Variants in HAS3 observed in about 807,000 individuals in gnomAD.
HAS3 encodes hyaluronan synthase 3, also known as HA synthase 3.
A neutral mutation model predicts 50.3 loss-of-function variants in HAS3; 27 were observed. That is an observed-to-expected ratio of 0.54 (90% CI 0.40 to 0.74). The LOEUF is 0.74. Ranked by LOEUF, HAS3 falls within the 30% of genes least tolerant of loss-of-function variation. HAS3 has a pLI of 0.00. For synonymous variants in HAS3, 339 were observed against 310.9 expected (o/e 1.09, Z -0.95); for missense variants, 517 against 742.8 (o/e 0.70, Z 3.53).
At chr16:69,098,760 G>A in the HAS3 span, among the ~76,000 whole-genome samples, 1 of 146,618 alleles carries the variant, frequency 6.8e-6, no homozygotes, top group Middle Eastern at 3.6e-3. Flanking sequence ...CCGCCTCCCA[G>A]GTTCAAGCGA....
chr16:69,109,464 T>A lies in HAS3; in HGVS notation c.69T>A (p.Gly23=), dbSNP rs770667957. ...GTSLFALAVL[G]GILAAYVTGY... is the part of the protein sequence containing the mutation. ...GCCTGTTTGCCCTGGCAGTGCTGGG[T>A]GGCATCCTGGCAGCCTATGTGACGG... Residue 23 remains glycine, a synonymous_variant, in exon 2 of 4, where the codon GGT becomes GGA. Transcript: ENST00000569188. The surrounding 1 kb of genome is among the most constrained non-coding windows in gnomAD (Gnocchi z 5.3). 15 of 1,613,492 alleles carry A rather than the reference T, an allele frequency of 9.3e-6. No homozygotes were observed. The highest frequency in any genetic ancestry group is 1.3e-5 in the Non-Finnish European group (15 of 1,180,010).
chr16:69,095,950 T>C, the HAS3 span, among the ~76,000 whole-genome samples: 1 of 152,068 alleles, frequency 6.6e-6, no homozygotes, highest in Non-Finnish European at 1.5e-5. Context: ...GCGCGGTGGC[T>C]TACGCCTGTA....
upstream of HAS3, among the ~76,000 whole-genome samples, chr16:69,104,236 A>C (rs1357253833): frequency 2.0e-5 from 3 of 148,824 alleles, no homozygotes; most frequent in Non-Finnish European, 4.4e-5. Context: ...GACTACAGGC[A>C]CACTCCACCA....
the HAS3 span, among the ~76,000 whole-genome samples, chr16:69,087,522 A>G: frequency 3.4e-5 from 5 of 148,580 alleles, no homozygotes; most frequent in African/African-American, 1.2e-4. Context: ...ATATTTCCCA[A>G]TCTCCTCTTC....
At chr16:69,113,299 CA>C (rs1027304581) in intron 2 of HAS3, 141 bp from the exon 3 acceptor site, 1 of 690,406 alleles carries the variant, frequency 1.4e-6, no homozygotes, top group African/African-American at 1.7e-5. Context: ...TCTGGTAGCG[CA>C]GATCTCTTAG....
chr16:69,087,540 C>T, the HAS3 span, among the ~76,000 whole-genome samples: 3 of 151,970 alleles, frequency 2.0e-5, no homozygotes, highest in African/African-American at 7.2e-5. Context: ...TTCCACGTCC[C>T]TTGCTTTGTT....
the HAS3 span, among the ~76,000 whole-genome samples, chr16:69,096,493 AC>A: frequency 4.0e-5 from 5 of 124,734 alleles, no homozygotes; most frequent in Admixed American, 4.0e-4. Context: ...CAAAGATCAC[AC>A]CATGCATTCC....
chr16:69,110,338 C>T (rs1314767695), intron 2 of HAS3, among the ~76,000 whole-genome samples: 1 of 152,206 alleles, frequency 6.6e-6, no homozygotes, highest in Non-Finnish European at 1.5e-5. Flanking sequence ...GTAGTCCCAG[C>T]TACTCGGGAG....
upstream of HAS3, among the ~76,000 whole-genome samples, chr16:69,105,294 T>C (rs1399176963): frequency 6.6e-6 from 1 of 152,142 alleles, no homozygotes; most frequent in East Asian, 1.9e-4. Context: ...TTCAGCTGGT[T>C]CTAAACTTCT....
At chr16:69,090,277 T>A in the HAS3 span, among the ~76,000 whole-genome samples, 2 of 152,184 alleles carry the variant, frequency 1.3e-5, no homozygotes, top group Admixed American at 1.3e-4. Flanking sequence ...GCTGGCCCTC[T>A]GCCCTCCAGT....
upstream of HAS3, among the ~76,000 whole-genome samples, chr16:69,103,857 C>T (rs925383258): frequency 6.6e-6 from 1 of 152,172 alleles, no homozygotes; most frequent in African/African-American, 2.4e-5. Context: ...TTCAAACTTC[C>T]TATCAGTCCG....
In HAS3 at chr16:69,107,850, C is replaced by T. The variant is rs1960860233; in HGVS notation, c.1-1546C>T. Among the ~76,000 whole-genome samples, 1 of 152,230 alleles carries T rather than the reference C, an allele frequency of 6.6e-6. No individual in the cohort carries two copies. Among genetic ancestry groups the T allele is most frequent in the South Asian group, 2.1e-4 (1 of 4,836 alleles). On this transcript the variant is annotated intron_variant, in intron 1 of 3. Coordinates refer to ENST00000569188, the MANE Select transcript of HAS3 (RefSeq NM_001199280.2). This position sits in a 1 kb window ranked among gnomAD's most constrained non-coding sequence, Gnocchi z 5.5. ...GGCTCCCCGGGACGGTGGGGCAGAG[C>T]GCCCGGAGGCCGCGCTTCCCGGAGA...
chr16:69,102,522 A>G (rs1486873173), upstream of HAS3, among the ~76,000 whole-genome samples: 1 of 152,070 alleles, frequency 6.6e-6, no homozygotes, highest in African/African-American at 2.4e-5. Flanking sequence ...AAAGGTAAAG[A>G]CTCTCTTATC....
chr16:69,110,082 C>A, intron 2 of HAS3, 51 bp downstream of exon 2: 1 of 1,514,438 alleles, frequency 6.6e-7, no homozygotes, highest in South Asian at 1.2e-5. Flanking sequence ...GTCTGGACAG[C>A]CTGGCAAACT....
chr16:69,092,223 T>G, the HAS3 span, among the ~76,000 whole-genome samples: 4 of 152,206 alleles, frequency 2.6e-5, no homozygotes, highest in Non-Finnish European at 5.9e-5. Context: ...CTCCAAAGGC[T>G]GTGCTTTTTC....
At chr16:69,110,447 C>T (rs1242602144) in intron 2 of HAS3, among the ~76,000 whole-genome samples, 1 of 152,144 alleles carries the variant, frequency 6.6e-6, no homozygotes, top group African/African-American at 2.4e-5. Flanking sequence ...CACTATGTTG[C>T]CCAGGCTGGA....
the HAS3 span, chr16:69,083,670 C>A: frequency 6.4e-7 from 1 of 1,553,158 alleles, no homozygotes; most frequent in Non-Finnish European, 8.7e-7. Context: ...AGACCTGGCT[C>A]CAAGGACGTG....
upstream of HAS3, among the ~76,000 whole-genome samples, chr16:69,104,642 C>A (rs951679200): frequency 1.3e-5 from 2 of 152,102 alleles, no homozygotes; most frequent in African/African-American, 4.8e-5. Context: ...GGAAGTCTCG[C>A]TTTGTTGCCC....
chr16:69,091,379 A>T, the HAS3 span, among the ~76,000 whole-genome samples: 2 of 152,122 alleles, frequency 1.3e-5, no homozygotes, highest in African/African-American at 4.8e-5. Flanking sequence ...TTTTTCAATG[A>T]TTCTCAGACA....
Sources: gnomAD v4.1 joint callset for allele counts (sites outside exome capture counted in the v4.1 genomes callset) on GRCh38, gnomAD v4.1.1 for gene constraint, Gnocchi (gnomAD v3.1) non-coding constraint, MANE v1.5 for transcripts, NCBI Gene and HGNC (gene_info 2026-07-23, HGNC 2026-07-21) for gene names.